CACNA1B: variants seen among roughly 807,000 people sequenced by gnomAD.
CACNA1B encodes voltage-dependent N-type calcium channel subunit alpha-1B.
CACNA1B carries 70 observed loss-of-function variants against 247.2 expected under a neutral mutation model. The observed-to-expected ratio is 0.28, with a 90% CI of 0.23 to 0.35. The LOEUF (loss-of-function observed/expected upper bound fraction) is 0.35. Ranked by LOEUF, CACNA1B falls within the 10% of genes least tolerant of loss-of-function variation. The pLI is 1.00. For synonymous variants in CACNA1B, 1,231 were observed against 1,294.4 expected, an observed-to-expected ratio of 0.95 and a Z score of 1.05; for missense variants, 2,367 against 3,197.4, an observed-to-expected ratio of 0.74 and a Z score of 6.26.
At position 138,052,929 on chromosome 9, in the gene CACNA1B, C is replaced by G. The variant is rs115274359; in HGVS notation, c.3807+741C>G. Among the ~76,000 whole-genome samples, 711 of 152,304 alleles carry G rather than the reference C, an allele frequency of 4.7e-3. 8 individuals carry two copies. Among genetic ancestry groups the G allele is most frequent in the African/African-American group, 0.015 (629 of 41,560 alleles). ...GACGGTTGTGGCCCCACCTTCCCGT[C>G]ACAGCTAGATCAGAGCAGCCTGTGA... On this transcript the variant is annotated intron_variant, in intron 25 of 46. Transcript: ENST00000371372. This position sits in a 1 kb window ranked among gnomAD's most constrained non-coding sequence, Gnocchi z 5.1.
chr9:138,117,250 AGAGAGCC>A (rs1469974280), intron 42 of CACNA1B, among the ~76,000 whole-genome samples: 2 of 149,852 alleles, frequency 1.3e-5, no homozygotes, highest in Non-Finnish European at 2.9e-5. Flanking sequence ...GCACCCCAGC[AGAGAGCC>A]GAGGGATGGA....
chr9:137,965,978 G>T (rs1451148728), intron 10 of CACNA1B, among the ~76,000 whole-genome samples: 1 of 152,170 alleles, frequency 6.6e-6, no homozygotes, highest in African/African-American at 2.4e-5. Context: ...GTTTATGATT[G>T]TTACATCTTC....
rs754360706 is a variant in CACNA1B, at chr9:137,879,049, C to G, written c.285-5C>G. On this transcript the variant is annotated splice_polypyrimidine_tract_variant and splice_region_variant and intron_variant, in intron 1 of 46. Transcript: ENST00000371372. ...CGTCTGCCGGCCAGTCCTTAACTCA[C>G]GCACTCCATTCGAGTATATGATCCT... The G allele has an allele frequency of 2.5e-6, 4 of 1,600,768 alleles. No homozygotes were observed. The East Asian group carries it at 8.9e-5, about 36-fold the overall frequency.
chr9:138,101,666 A>C, intron 37 of CACNA1B, among the ~76,000 whole-genome samples: 1 of 152,210 alleles, frequency 6.6e-6, no homozygotes. Context: ...GCAGAGGCAG[A>C]GTGGGGGCCA....
chr9:138,023,825 T>G lies in CACNA1B; in HGVS notation c.3068+14T>G. 7.9e-7 allele frequency: 1 copy of G among 1,258,932 alleles called. No homozygotes were observed. The highest frequency in any genetic ancestry group is 1.1e-6 in the Non-Finnish European group (1 of 882,892). The allele number at this position is 1,258,932 out of a possible 1,614,324, so 78.0% of individuals were successfully genotyped here. A position where few individuals can be genotyped will look rare whatever the true frequency, so the allele number is the denominator to read the frequency against. On this transcript the variant is annotated intron_variant, in intron 19 of 46. Coordinates refer to ENST00000371372, the MANE Select transcript of CACNA1B (RefSeq NM_000718.4). Reference sequence around the variant, plus strand: ...CCACCAGCCCCGGTGAGTCCGCGGCTGGGCGGGGTCAGGGAGGGAAGGGTT... The same window carrying G: ...CCACCAGCCCCGGTGAGTCCGCGGCGGGGCGGGGTCAGGGAGGGAAGGGTT...
Position 138,011,935 on chromosome 9 carries a change from G to T in CACNA1B, c.2161-1194G>T, listed in dbSNP as rs745861415. 1.3e-5 allele frequency among the ~76,000 whole-genome samples: 2 copies of T among 152,186 alleles called. No homozygotes were observed. The highest frequency in any genetic ancestry group is 2.9e-5 in the Non-Finnish European group (2 of 68,032). ...CAGTGGTGGCCCCAGCAGTCCAGAT[G>T]GACAACGTGGAAGTCGTAGCTTCCA... On this transcript the variant is annotated intron_variant, in intron 17 of 46. Coordinates refer to ENST00000371372, the MANE Select transcript of CACNA1B (RefSeq NM_000718.4). This position sits in a 1 kb window ranked among gnomAD's most constrained non-coding sequence, Gnocchi z 4.2.
rs1434651918 is a variant in CACNA1B, at chr9:138,054,838, G to T, written c.3968+832G>T. 6.6e-6 allele frequency among the ~76,000 whole-genome samples: 1 copy of T among 152,156 alleles called. No homozygotes were observed. Among genetic ancestry groups the T allele is most frequent in the Non-Finnish European group, 1.5e-5 (1 of 68,030 alleles). On this transcript the variant is annotated intron_variant, in intron 26 of 46. Coordinates refer to ENST00000371372, the MANE Select transcript of CACNA1B (RefSeq NM_000718.4). This position sits in a 1 kb window ranked among gnomAD's most constrained non-coding sequence, Gnocchi z 4.6. ...TGGTGTTTTCTTTCTCGCCTTTCTG[G>T]GTGTAGTGGTCATTCACCGTGGTTT...
intron 12 of CACNA1B, among the ~76,000 whole-genome samples, chr9:137,981,119 TC>T (rs943417002): frequency 6.6e-6 from 1 of 152,180 alleles, no homozygotes; most frequent in African/African-American, 2.4e-5. Context: ...CCCACCAACA[TC>T]CCCTTTTCTC....
intron 21 of CACNA1B, among the ~76,000 whole-genome samples, chr9:138,045,816 G>C (rs1373061677): frequency 2.6e-5 from 4 of 152,188 alleles, no homozygotes; most frequent in African/African-American, 9.6e-5. Flanking sequence ...TGGACACAGG[G>C]GCAGGAGCTA....
chr9:138,055,862 T>C (rs1299167616), intron 26 of CACNA1B, among the ~76,000 whole-genome samples: 1 of 152,054 alleles, frequency 6.6e-6, no homozygotes, highest in Non-Finnish European at 1.5e-5. Flanking sequence ...CTGTCTCTAC[T>C]AAAACTACAA....
At chr9:138,114,202 A>T (rs1273293153) in intron 40 of CACNA1B, among the ~76,000 whole-genome samples, 176 bp from the exon 41 acceptor site, 1 of 152,156 alleles carries the variant, frequency 6.6e-6, no homozygotes, top group African/African-American at 2.4e-5. Context: ...AGGTAGGCCA[A>T]ACTCCTGGTG....
chr9:137,997,022 A>G (rs1958508886), intron 15 of CACNA1B, among the ~76,000 whole-genome samples: 2 of 152,236 alleles, frequency 1.3e-5, no homozygotes, highest in African/African-American at 2.4e-5. Flanking sequence ...ATAATTCAAC[A>G]TTAGAAAACC....
At chr9:137,902,471 A>G (rs1445938737) in intron 3 of CACNA1B, among the ~76,000 whole-genome samples, 1 of 152,228 alleles carries the variant, frequency 6.6e-6, no homozygotes, top group East Asian at 1.9e-4. Context: ...ATACTTGTTA[A>G]GTTCGCATGT....
Position 138,054,653 on chromosome 9 carries a change from G to T in CACNA1B, c.3968+647G>T, listed in dbSNP as rs369875130. 3.9e-5 allele frequency among the ~76,000 whole-genome samples: 6 copies of T among 152,352 alleles called. No individual in the cohort carries two copies. The East Asian group carries it at 5.8e-4, about 15-fold the overall frequency. On this transcript the variant is annotated intron_variant, in intron 26 of 46. Coordinates refer to ENST00000371372, the MANE Select transcript of CACNA1B (RefSeq NM_000718.4). This position sits in a 1 kb window ranked among gnomAD's most constrained non-coding sequence, Gnocchi z 4.6. ...GGGAATGCTGCACGTGCACACGTCCGCCAGGGAGCAGTAGCAGTTTGGGGA... is the reference window on the plus strand; with the variant it reads ...GGGAATGCTGCACGTGCACACGTCCTCCAGGGAGCAGTAGCAGTTTGGGGA...
intron 40 of CACNA1B, among the ~76,000 whole-genome samples, 190 bp from the exon 41 acceptor site, chr9:138,114,188 C>T (rs900889611): frequency 3.3e-5 from 5 of 152,146 alleles, no homozygotes; most frequent in African/African-American, 1.2e-4. Context: ...TCTGGAGGAG[C>T]CCTAGGTAGG....
chr9:138,115,025 T>G (rs1961804731), intron 41 of CACNA1B, among the ~76,000 whole-genome samples: 1 of 152,204 alleles, frequency 6.6e-6, no homozygotes, highest in South Asian at 2.1e-4. Flanking sequence ...GTCCAGGGCT[T>G]CTGGGGACAT....
chr9:138,101,019 G>T (rs372195284), intron 37 of CACNA1B: 1 of 460,336 alleles, frequency 2.2e-6, no homozygotes, highest in Non-Finnish European at 4.5e-6. Context: ...GCGCGAGGTC[G>T]GTCTTCCCAT....
At position 138,050,176 on chromosome 9, in the gene CACNA1B, C is replaced by A. The variant is rs565481869; in HGVS notation, c.3710+861C>A. 2.5e-5 allele frequency: 24 copies of A among 963,496 alleles called. No individual in the cohort carries two copies. Among genetic ancestry groups the A allele is most frequent in the Non-Finnish European group, 3.2e-5 (22 of 691,938 alleles). 59.7% of individuals were successfully genotyped at this position (963,496 alleles called of 1,614,324 possible). The stretch of plus-strand genomic sequence containing the variant: ...TCATTTCATCTCCAGCCTCACCCCC[C>A]GCCCATCCACTTTCACCCCATCGGG... On this transcript the variant is annotated intron_variant, in intron 24 of 46. Coordinates refer to ENST00000371372, the MANE Select transcript of CACNA1B (RefSeq NM_000718.4). This position sits in a 1 kb window ranked among gnomAD's most constrained non-coding sequence, Gnocchi z 5.2.
chr9:137,878,674 C>T (rs1300985013), intron 1 of CACNA1B, among the ~76,000 whole-genome samples: 3 of 152,144 alleles, frequency 2.0e-5, no homozygotes, highest in Non-Finnish European at 4.4e-5. Context: ...GTACATGTGG[C>T]TGCGTGTCTG....
Sources: allele counts gnomAD v4.1 joint callset (sites outside exome capture counted in the v4.1 genomes callset), GRCh38; gene constraint gnomAD v4.1.1; non-coding constraint Gnocchi (gnomAD v3.1); transcripts MANE v1.5; gene names NCBI Gene and HGNC (gene_info 2026-07-23, HGNC 2026-07-21).